The following LOC400499 variants were observed in gnomAD, a reference collection of about 807,000 sequenced individuals.
At chr16:11,412,618 C>T in the LOC400499 span, among the ~76,000 whole-genome samples, 1 of 152,238 alleles carries the variant, frequency 6.6e-6, no homozygotes. Flanking sequence ...CACTTAGTTT[C>T]TGAGACTGAG....
At chr16:11,446,118 C>A in the LOC400499 span, among the ~76,000 whole-genome samples, 1 of 151,678 alleles carries the variant, frequency 6.6e-6, no homozygotes, top group Non-Finnish European at 1.5e-5. Flanking sequence ...AGCCACCACA[C>A]CTGGCCAGGA....
chr16:11,409,477 G>C, the LOC400499 span, among the ~76,000 whole-genome samples: 2 of 152,246 alleles, frequency 1.3e-5, no homozygotes, highest in East Asian at 1.9e-4. Flanking sequence ...CTGAGTAGTT[G>C]TAACAGGGAC....
chr16:11,446,002 T>A, the LOC400499 span, among the ~76,000 whole-genome samples: 2 of 151,812 alleles, frequency 1.3e-5, no homozygotes, highest in Non-Finnish European at 2.9e-5. Context: ...TTTTTATATT[T>A]TTAGTAGAGA....
chr16:11,448,096 G>A, the LOC400499 span: 1 of 1,530,398 alleles, frequency 6.5e-7, no homozygotes, highest in Non-Finnish European at 8.7e-7. Flanking sequence ...CCAGGCTGAA[G>A]AGAGGGACGG....
At chr16:11,386,670 C>G in the LOC400499 span, among the ~76,000 whole-genome samples, 1 of 152,236 alleles carries the variant, frequency 6.6e-6, no homozygotes, top group East Asian at 1.9e-4. Flanking sequence ...AGGTTAGACT[C>G]ACCTGGCCAC....
the LOC400499 span, chr16:11,447,876 C>T: frequency 1.4e-5 from 21 of 1,483,676 alleles, no homozygotes; most frequent in East Asian, 1.8e-4. Context: ...GGGGATGCTC[C>T]GTGCTAGAGA....
the LOC400499 span, among the ~76,000 whole-genome samples, chr16:11,465,082 A>C: frequency 6.6e-6 from 1 of 152,216 alleles, no homozygotes; most frequent in Non-Finnish European, 1.5e-5. Context: ...AAGACACTGG[A>C]AACTGAGGCA....
At chr16:11,428,208 CTT>C in the LOC400499 span, among the ~76,000 whole-genome samples, 1 of 150,882 alleles carries the variant, frequency 6.6e-6, no homozygotes, top group Non-Finnish European at 1.5e-5. Context: ...GAGTTTCGCT[CTT>C]GTTGCCCAGG....
At chr16:11,416,445 T>G in the LOC400499 span, among the ~76,000 whole-genome samples, 1 of 152,088 alleles carries the variant, frequency 6.6e-6, no homozygotes, top group East Asian at 1.9e-4. Context: ...GAGCCTCCAT[T>G]CCTCATCTGC....
the LOC400499 span, among the ~76,000 whole-genome samples, chr16:11,419,445 T>C: frequency 6.6e-6 from 1 of 151,216 alleles, no homozygotes; most frequent in African/African-American, 2.5e-5. Context: ...ATACAAAAAT[T>C]AATTCAAGAT....
chr16:11,405,944 T>C, the LOC400499 span, among the ~76,000 whole-genome samples: 1 of 152,078 alleles, frequency 6.6e-6, no homozygotes, highest in South Asian at 2.1e-4. Flanking sequence ...TCCTTGGCCA[T>C]TCCTAAAACA....
At chr16:11,404,748 A>G in the LOC400499 span, 8 of 399,048 alleles carry the variant, frequency 2.0e-5, no homozygotes, top group East Asian at 2.5e-4. Context: ...AGGCCCAGAA[A>G]GGCTCCCGGT....
At chr16:11,453,888 C>T in the LOC400499 span, among the ~76,000 whole-genome samples, 1 of 152,176 alleles carries the variant, frequency 6.6e-6, no homozygotes, top group African/African-American at 2.4e-5. Context: ...TGAGGACCAA[C>T]ATCTAACCAA....
the LOC400499 span, chr16:11,383,737 C>T: frequency 8.1e-7 from 1 of 1,232,392 alleles, no homozygotes; most frequent in African/African-American, 1.6e-5. Flanking sequence ...CTCCTGGGTG[C>T]CACAGGGGAC....
the LOC400499 span, chr16:11,392,607 G>A: frequency 2.3e-6 from 1 of 432,502 alleles, no homozygotes; most frequent in Admixed American, 4.4e-5. Context: ...AAGCCTCAAG[G>A]CCCTAGGATT....
At chr16:11,373,402 T>TGGTGCTATCTC in the LOC400499 span, among the ~76,000 whole-genome samples, 1 of 152,216 alleles carries the variant, frequency 6.6e-6, no homozygotes, top group Non-Finnish European at 1.5e-5. Context: ...TGGAGTACAG[T>TGGTGCTATCTC]GGCTCACGGC....
the LOC400499 span, among the ~76,000 whole-genome samples, chr16:11,509,499 G>C: frequency 4.6e-5 from 7 of 151,906 alleles, no homozygotes; most frequent in African/African-American, 1.7e-4. Context: ...GAGTGACCAA[G>C]GCAAGATGCA....
the LOC400499 span, among the ~76,000 whole-genome samples, chr16:11,396,154 G>A: frequency 6.6e-6 from 1 of 152,224 alleles, no homozygotes; most frequent in South Asian, 2.1e-4. Context: ...GGGAGATAGG[G>A]CCAGTACAAT....
chr16:11,520,635 C>T, the LOC400499 span, among the ~76,000 whole-genome samples: 1 of 143,436 alleles, frequency 7.0e-6, no homozygotes, highest in African/African-American at 2.6e-5. Flanking sequence ...CTATTGCACG[C>T]CAGCCTGGGC....
Sources: allele counts gnomAD v4.1 joint callset (sites outside exome capture counted in the v4.1 genomes callset), GRCh38; gene constraint gnomAD v4.1.1; transcripts MANE v1.5.